BBX: variants seen among roughly 807,000 people sequenced by gnomAD.
BBX encodes BBX high mobility group box domain containing, also known as HMG box transcription factor BBX.
A neutral mutation model predicts 100.2 loss-of-function variants in BBX; 30 were observed. That is an observed-to-expected ratio of 0.30 (90% CI 0.22 to 0.41). BBX has a LOEUF of 0.41. Ranked by LOEUF, BBX falls within the 10% of genes least tolerant of loss-of-function variation. BBX has a pLI of 1.00. For synonymous variants in BBX, 376 were observed against 388.1 expected (o/e 0.97, Z 0.37); for missense variants, 1,023 against 1,129.8 (o/e 0.91, Z 1.35).
At chr3:107,739,661 G>A (rs1314487731) in intron 7 of BBX, among the ~76,000 whole-genome samples, 1 of 152,212 alleles carries the variant, frequency 6.6e-6, no homozygotes, top group Non-Finnish European at 1.5e-5. Context: ...AAGAGAGCTG[G>A]GCTCGAAAGA....
At position 107,578,679 on chromosome 3, in the gene BBX, C is replaced by G. The variant is rs2052019979; in HGVS notation, c.-84+52281C>G. On this transcript the variant is annotated intron_variant, in intron 2 of 17. Transcript: ENST00000325805. ...TGAAACAGGCTCCTTCCCTGCCTGA[C>G]TCCATCTGCAGGAAGGAGAAGCACA... 7.9e-5 allele frequency among the ~76,000 whole-genome samples: 12 copies of G among 152,114 alleles called. No individual in the cohort carries two copies. The South Asian group carries it at 2.5e-3, about 32-fold the overall frequency.
intron 15 of BBX, among the ~76,000 whole-genome samples, chr3:107,791,633 A>G (rs1415889244): frequency 6.6e-6 from 1 of 152,206 alleles, no homozygotes; most frequent in Non-Finnish European, 1.5e-5. Flanking sequence ...GGGAGCTGGA[A>G]TAACAACCTG....
chr3:107,569,028 T>C (rs1048437117), intron 2 of BBX, among the ~76,000 whole-genome samples: 2 of 152,228 alleles, frequency 1.3e-5, no homozygotes, highest in African/African-American at 4.8e-5. Context: ...AGCAAAATTG[T>C]GGTAAAAATG....
At chr3:107,602,879 A>C (rs997295518) in intron 2 of BBX, among the ~76,000 whole-genome samples, 1 of 152,244 alleles carries the variant, frequency 6.6e-6, no homozygotes, top group Non-Finnish European at 1.5e-5. Context: ...ACAACAAAAG[A>C]TTTAGACCAT....
At chr3:107,710,333 T>A in intron 3 of BBX, 119 bp from the exon 4 acceptor site, 1 of 746,002 alleles carries the variant, frequency 1.3e-6, no homozygotes, top group East Asian at 2.8e-5. Flanking sequence ...AAAATTATAA[T>A]CTAATTAATC....
rs574052964 is a variant in BBX at position 107,760,961 on chromosome 3, A to G, written c.906+5283A>G. On this transcript the variant is annotated intron_variant, in intron 10 of 17. Transcript: ENST00000325805. ...CAAGCTAGCCTTCCTTCATGAGAAC[A>G]ATTGCTCAGAGTTGATTAGTGGTTG... 2.0e-5 allele frequency among the ~76,000 whole-genome samples: 3 copies of G among 152,340 alleles called. No individual in the cohort carries two copies. In the East Asian group the frequency reaches 5.8e-4, roughly 29 times the overall value.
intron 2 of BBX, among the ~76,000 whole-genome samples, chr3:107,587,020 G>A (rs2052901879): frequency 6.6e-6 from 1 of 151,766 alleles, no homozygotes; most frequent in African/African-American, 2.4e-5. Context: ...CAAAGTGCTG[G>A]GATTACAGGC....
At chr3:107,769,825 T>C (rs78083361) in intron 10 of BBX, among the ~76,000 whole-genome samples, 4,245 of 152,254 alleles carry the variant, frequency 0.028, 209 homozygotes, top group African/African-American at 0.097. Context: ...GTAAAATGAA[T>C]TCCTGCCTTG....
intron 9 of BBX, 41 bp downstream of exon 9, chr3:107,748,080 G>A: frequency 1.3e-6 from 2 of 1,528,158 alleles, no homozygotes; most frequent in Non-Finnish European, 1.8e-6. Flanking sequence ...AAGAAAACTT[G>A]TTGAGCTCAG....
intron 2 of BBX, among the ~76,000 whole-genome samples, chr3:107,533,214 C>A (rs981707834): frequency 6.6e-6 from 1 of 152,122 alleles, no homozygotes; most frequent in Non-Finnish European, 1.5e-5. Context: ...AAATCTGAAT[C>A]CTGAAGCATA....
intron 2 of BBX, among the ~76,000 whole-genome samples, chr3:107,637,762 T>G (rs1403670903): frequency 6.6e-6 from 1 of 152,236 alleles, no homozygotes; most frequent in African/African-American, 2.4e-5. Context: ...TGGCCTTTTG[T>G]GTAGTCACTT....
chr3:107,610,537 A>G (rs996313610), intron 2 of BBX, among the ~76,000 whole-genome samples: 4 of 152,018 alleles, frequency 2.6e-5, no homozygotes, highest in African/African-American at 7.2e-5. Context: ...TGTTGGGTGC[A>G]TATGTATTTA....
chr3:107,659,637 TG>T, intron 3 of BBX: 1 of 891,566 alleles, frequency 1.1e-6, no homozygotes, highest in Non-Finnish European at 1.5e-6. Flanking sequence ...GTGGCAAAGC[TG>T]GAATTCAAAC....
intron 3 of BBX, among the ~76,000 whole-genome samples, chr3:107,687,804 C>T (rs1308172671): frequency 6.6e-6 from 1 of 152,110 alleles, no homozygotes; most frequent in Non-Finnish European, 1.5e-5. Context: ...CCTGTAATCC[C>T]AGCACTTTGG....
chr3:107,730,493 C>CTTT (rs370876456), intron 6 of BBX, among the ~76,000 whole-genome samples: 3 of 141,556 alleles, frequency 2.1e-5, no homozygotes, highest in African/African-American at 2.6e-5. Context: ...TTGTTGTTGG[C>CTTT]TTTTTTTTTT....
intron 7 of BBX, among the ~76,000 whole-genome samples, chr3:107,734,683 C>T (rs147110058): frequency 4.3e-4 from 65 of 152,232 alleles, no homozygotes; most frequent in African/African-American, 1.5e-3. Flanking sequence ...TCTTTTTAAC[C>T]TTCAAGTACA....
chr3:107,809,826 T>C lies in BBX; in HGVS notation c.*4369T>C, dbSNP rs1254895080. On this transcript the variant is annotated 3_prime_UTR_variant, in exon 18 of 18. Transcript: ENST00000325805. ...ATACTAATTGTTAATTAGATGTTGC[T>C]TTTGTTTATACAAGCATTCCCAAAG... 6.6e-6 allele frequency: 1 copy of C among 152,236 alleles called. No individual in the cohort carries two copies. The highest frequency in any genetic ancestry group is 1.5e-5 in the Non-Finnish European group (1 of 68,032). The allele number at this position is 152,236 out of a possible 1,614,324, so 9.4% of individuals were successfully genotyped here.
chr3:107,800,476 A>G (rs1302043233), intron 16 of BBX, among the ~76,000 whole-genome samples: 2 of 152,230 alleles, frequency 1.3e-5, no homozygotes, highest in Admixed American at 1.3e-4. Context: ...TATAATGGCT[A>G]CATAAGAAAG....
chr3:107,542,877 C>A (rs1050957746), intron 2 of BBX, among the ~76,000 whole-genome samples: 2 of 152,190 alleles, frequency 1.3e-5, no homozygotes, highest in Non-Finnish European at 2.9e-5. Flanking sequence ...TAGGCTCCCA[C>A]TGAATTTCTT....
Sources: gnomAD v4.1 joint callset for allele counts (sites outside exome capture counted in the v4.1 genomes callset) on GRCh38, gnomAD v4.1.1 for gene constraint, MANE v1.5 for transcripts, NCBI Gene and HGNC (gene_info 2026-07-23, HGNC 2026-07-21) for gene names.